The following VTI1A variants were observed in gnomAD, a reference collection of about 807,000 sequenced individuals.
The protein encoded by VTI1A is vesicle transport through interaction with t-SNAREs homolog 1A.
Under a neutral mutation model 34.9 loss-of-function variants are expected in VTI1A, and 22 were observed. The observed-to-expected ratio is 0.63, with a 90% confidence interval of 0.45 to 0.90. VTI1A has a LOEUF of 0.90. VTI1A is among the 40% of genes least tolerant of loss of function. VTI1A has a pLI of 0.00. For synonymous variants in VTI1A, 87 were observed against 97.3 expected (o/e 0.89, Z 0.62); for missense variants, 268 against 275.6 (o/e 0.97, Z 0.20).
At chr10:112,487,352 G>T (rs1436414191) in intron 3 of VTI1A, among the ~76,000 whole-genome samples, 3 of 152,116 alleles carry the variant, frequency 2.0e-5, no homozygotes, top group African/African-American at 7.2e-5. Flanking sequence ...TCAAACTCCT[G>T]ACCTCAAATG....
At chr10:112,550,126 T>C (rs1333095154) in intron 5 of VTI1A, among the ~76,000 whole-genome samples, 1 of 152,224 alleles carries the variant, frequency 6.6e-6, no homozygotes, top group Non-Finnish European at 1.5e-5. Context: ...GCCTATCACT[T>C]TTCCAGTTGG....
chr10:112,647,875 TTC>T (rs1263856914), intron 5 of VTI1A, among the ~76,000 whole-genome samples: 2 of 152,188 alleles, frequency 1.3e-5, no homozygotes, highest in African/African-American at 4.8e-5. Context: ...GCTCAGGTGA[TTC>T]TCCTGCCTTA....
At chr10:112,618,775 T>C (rs1013494008) in intron 5 of VTI1A, among the ~76,000 whole-genome samples, 1 of 152,054 alleles carries the variant, frequency 6.6e-6, no homozygotes, top group Admixed American at 6.6e-5. Context: ...GGCAGATATC[T>C]AATTATTGAA....
At chr10:112,806,314 C>A (rs1218601883) in intron 7 of VTI1A, among the ~76,000 whole-genome samples, 1 of 152,122 alleles carries the variant, frequency 6.6e-6, no homozygotes. Context: ...GAGACGGAGT[C>A]TCACTCTGTC....
chr10:112,458,699 C>T (rs1278200566), intron 1 of VTI1A, among the ~76,000 whole-genome samples: 2 of 151,426 alleles, frequency 1.3e-5, no homozygotes, highest in Non-Finnish European at 2.9e-5. Flanking sequence ...CAGAGTCCCG[C>T]ACTGTTGCCC....
intron 3 of VTI1A, among the ~76,000 whole-genome samples, chr10:112,500,198 A>C (rs1017812934): frequency 6.6e-6 from 1 of 152,154 alleles, no homozygotes; most frequent in African/African-American, 2.4e-5. Context: ...GCACTTTGGG[A>C]GGCCAAGGTG....
At chr10:112,448,411 A>G (rs1333111710) in intron 1 of VTI1A, 1 of 152,152 alleles carries the variant, frequency 6.6e-6, no homozygotes, top group Non-Finnish European at 1.5e-5. Context: ...TAGACTGTCA[A>G]CTATGTGAAG....
At chr10:112,673,484 G>A (rs866718671) in intron 7 of VTI1A, among the ~76,000 whole-genome samples, 36 of 86,370 alleles carry the variant, frequency 4.2e-4, no homozygotes, top group Admixed American at 3.3e-3. Flanking sequence ...ACACACACAC[G>A]CACTCAGATT....
intron 7 of VTI1A, among the ~76,000 whole-genome samples, chr10:112,687,640 T>C (rs576572540): frequency 6.6e-6 from 1 of 152,160 alleles, no homozygotes; most frequent in Non-Finnish European, 1.5e-5. Flanking sequence ...GATATTATTT[T>C]GTAACATTTT....
chr10:112,753,564 T>C (rs574146090), intron 7 of VTI1A, among the ~76,000 whole-genome samples: 1 of 152,254 alleles, frequency 6.6e-6, no homozygotes, highest in South Asian at 2.1e-4. Flanking sequence ...TTGCAAAGAA[T>C]TTTTTCCATC....
chr10:112,540,626 A>G (rs1363179846), intron 5 of VTI1A, among the ~76,000 whole-genome samples: 1 of 152,216 alleles, frequency 6.6e-6, no homozygotes, highest in Non-Finnish European at 1.5e-5. Flanking sequence ...CTTGCTACTT[A>G]CTGAAGTAAT....
At chr10:112,732,200 G>A (rs1850289449) in intron 7 of VTI1A, among the ~76,000 whole-genome samples, 1 of 152,172 alleles carries the variant, frequency 6.6e-6, no homozygotes, top group African/African-American at 2.4e-5. Flanking sequence ...AAGGCATCTA[G>A]CTACAGAGAT....
At chr10:112,733,725 ATTATTTTATTTTATTTTATT>A (rs71035398) in intron 7 of VTI1A, among the ~76,000 whole-genome samples, 46 of 128,496 alleles carry the variant, frequency 3.6e-4, no homozygotes, top group Admixed American at 2.6e-3. Context: ...TCTCATTTAC[ATTATTTTATTTTATTTTATT>A]TTATTTTATT....
intron 5 of VTI1A, among the ~76,000 whole-genome samples, chr10:112,641,654 A>G (rs748698998): frequency 1.3e-5 from 2 of 152,158 alleles, no homozygotes; most frequent in African/African-American, 4.8e-5. Flanking sequence ...CTTCTTCTCT[A>G]TTACCTTTAG....
chr10:112,768,255 G>A (rs539437779), intron 7 of VTI1A, among the ~76,000 whole-genome samples: 46 of 152,308 alleles, frequency 3.0e-4, no homozygotes, highest in Middle Eastern at 3.4e-3. Context: ...CAAGGCTGAC[G>A]AGAAAGAGCC....
intron 5 of VTI1A, among the ~76,000 whole-genome samples, chr10:112,580,512 T>TA (rs1225197038): frequency 6.6e-6 from 1 of 152,162 alleles, no homozygotes; most frequent in African/African-American, 2.4e-5. Context: ...TTGGGCTCAA[T>TA]AACATGGTTT....
At chr10:112,698,145 A>G (rs1848862374) in intron 7 of VTI1A, among the ~76,000 whole-genome samples, 1 of 152,210 alleles carries the variant, frequency 6.6e-6, no homozygotes. Context: ...GTTGCTATCA[A>G]TAAGAACTCT....
intron 5 of VTI1A, among the ~76,000 whole-genome samples, chr10:112,585,326 T>C (rs750430340): frequency 1.3e-5 from 2 of 152,154 alleles, no homozygotes; most frequent in Non-Finnish European, 2.9e-5. Flanking sequence ...ATAGATTCAG[T>C]TGTGTGATAT....
At chr10:112,514,083 G>C (rs1291454891) in intron 3 of VTI1A, among the ~76,000 whole-genome samples, 1 of 151,952 alleles carries the variant, frequency 6.6e-6, no homozygotes, top group African/African-American at 2.4e-5. Flanking sequence ...GAGAAGAATT[G>C]GCATCAGTTC....
Sources: gnomAD v4.1 joint callset for allele counts (sites outside exome capture counted in the v4.1 genomes callset) on GRCh38, gnomAD v4.1.1 for gene constraint, MANE v1.5 for transcripts, NCBI Gene and HGNC (gene_info 2026-07-23, HGNC 2026-07-21) for gene names.